PATJ: variants seen among roughly 807,000 people sequenced by gnomAD.
PATJ encodes PATJ crumbs cell polarity complex component, also known as inaD-like protein.
Under a neutral mutation model 224.9 loss-of-function variants are expected in PATJ, and 190 were observed. The ratio of observed to expected loss-of-function variants is 0.84; its 90% CI spans 0.75 to 0.95. PATJ has a LOEUF of 0.95. PATJ is among the 40% of genes least tolerant of loss of function. The pLI, the probability that PATJ is intolerant of heterozygous loss-of-function variation, is 0.00. For missense variants in PATJ, 2,121 were observed against 2,270.3 expected, an observed-to-expected ratio of 0.93 and a Z score of 1.34; for synonymous variants, 769 against 820.3, an observed-to-expected ratio of 0.94 and a Z score of 1.07.
At chr1:61,752,447 G>A (rs1645391949) in intron 1 of PATJ, among the ~76,000 whole-genome samples, 1 of 151,384 alleles carries the variant, frequency 6.6e-6, no homozygotes, top group African/African-American at 2.4e-5. Context: ...CTGAGTAGCT[G>A]GGATTACAGG....
intron 27 of PATJ, among the ~76,000 whole-genome samples, chr1:61,970,189 G>A (rs1330218194): frequency 6.6e-6 from 1 of 151,040 alleles, no homozygotes; most frequent in African/African-American, 2.4e-5. Context: ...AAATTTTATA[G>A]TTTGGAGTAA....
chr1:61,965,361 C>T (rs892243375), intron 27 of PATJ, among the ~76,000 whole-genome samples: 1 of 151,928 alleles, frequency 6.6e-6, no homozygotes, highest in East Asian at 1.9e-4. Flanking sequence ...GAGTTATTTT[C>T]ATTTGAATAT....
intron 31 of PATJ, among the ~76,000 whole-genome samples, chr1:62,057,773 G>T (rs1654795052): frequency 6.6e-6 from 1 of 152,182 alleles, no homozygotes; most frequent in Admixed American, 6.5e-5. Flanking sequence ...CAGGTTTAGA[G>T]CTATTTAAAT....
intron 30 of PATJ, among the ~76,000 whole-genome samples, chr1:62,040,346 T>A (rs1347993328): frequency 6.6e-6 from 1 of 151,998 alleles, no homozygotes; most frequent in African/African-American, 2.4e-5. Context: ...TGACCTCAGA[T>A]GATCTGCCCG....
intron 27 of PATJ, among the ~76,000 whole-genome samples, chr1:61,967,187 T>G (rs1207046791): frequency 6.6e-6 from 1 of 152,160 alleles, no homozygotes; most frequent in Non-Finnish European, 1.5e-5. Flanking sequence ...AAATATTCAG[T>G]TTCTCATTCT....
chr1:61,753,515 TA>T (rs1316371413), intron 1 of PATJ, among the ~76,000 whole-genome samples: 2 of 31,566 alleles, frequency 6.3e-5, no homozygotes, highest in South Asian at 2.6e-3. Flanking sequence ...TTCTATTACA[TA>T]TTTTTTTTTT....
chr1:61,813,378 T>TACACACAC (rs141533164), intron 14 of PATJ, among the ~76,000 whole-genome samples: 15 of 46,366 alleles, frequency 3.2e-4, no homozygotes, highest in African/African-American at 1.1e-3. Flanking sequence ...TATATATATA[T>TACACACAC]ACACACACAC....
At chr1:62,069,390 A>G (rs1406293027) in intron 31 of PATJ, among the ~76,000 whole-genome samples, 1 of 152,194 alleles carries the variant, frequency 6.6e-6, no homozygotes, top group African/African-American at 2.4e-5. Flanking sequence ...TATAAGAGCA[A>G]TAATTGTCCC....
chr1:61,792,563 C>T (rs1348441805), intron 9 of PATJ, among the ~76,000 whole-genome samples: 1 of 151,860 alleles, frequency 6.6e-6, no homozygotes, highest in African/African-American at 2.4e-5. Context: ...ATGAGTCTCG[C>T]TCTGTCGCCC....
chr1:61,988,686 G>A lies in PATJ; in HGVS notation c.3671-1482G>A, dbSNP rs1291737430. Among the ~76,000 whole-genome samples, 4 of 152,066 alleles carry A rather than the reference G, an allele frequency of 2.6e-5. No homozygotes were observed. The South Asian group carries it at 6.2e-4, about 24-fold the overall frequency. On this transcript the variant is annotated intron_variant, in intron 27 of 43. Coordinates refer to ENST00000642238, the MANE Select transcript of PATJ (RefSeq NM_001350145.3). ...CCGATTTATTTTCATTCTAAAATAA[G>A]CCCCCCCTTGTGCTTTATTCTTTTA...
At chr1:61,893,090 A>G (rs1280261316) in intron 22 of PATJ, among the ~76,000 whole-genome samples, 1 of 152,190 alleles carries the variant, frequency 6.6e-6, no homozygotes, top group African/African-American at 2.4e-5. Flanking sequence ...AAAGGTACAT[A>G]TGTTCATCAG....
intron 22 of PATJ, among the ~76,000 whole-genome samples, chr1:61,898,497 C>T (rs141037984): frequency 2.8e-3 from 420 of 152,080 alleles, no homozygotes; most frequent in Non-Finnish European, 4.5e-3. Context: ...CTTGACCTCC[C>T]GAAGCACTGG....
rs1426710235 is a variant in PATJ, at chr1:62,084,588, A to C, written c.4317A>C (p.Glu1439Asp). ...TCCCTGGACAGGAAATGATTATAGA[A>C]ATATCCAAGGGACGTTCAGGGCTTG... Reference protein sequence around the residue: ...PIVPGQEMIIEISKGRSGLGL... With the variant: ...PIVPGQEMIIDISKGRSGLGL... The change falls in exon 33 of 44, where the codon GAA becomes GAC. Residue 1439 changes from glutamate (E) to aspartate (D), a missense_variant. By Grantham distance (45) the Glu-to-Asp change is conservative. Transcript: ENST00000642238. 3 of 1,613,562 alleles carry C rather than the reference A, an allele frequency of 1.9e-6. No individual in the cohort carries two copies. The highest frequency in any genetic ancestry group is 2.2e-5 in the East Asian group (1 of 44,870).
intron 7 of PATJ, among the ~76,000 whole-genome samples, chr1:61,785,750 CTT>C (rs1330587782): frequency 2.0e-5 from 3 of 152,108 alleles, no homozygotes; most frequent in African/African-American, 7.2e-5. Flanking sequence ...ATGATGAACA[CTT>C]TGAACAGATA....
intron 31 of PATJ, among the ~76,000 whole-genome samples, chr1:62,055,770 G>A (rs570846852): frequency 1.5e-4 from 23 of 152,254 alleles, no homozygotes; most frequent in African/African-American, 4.3e-4. Context: ...AGGGTTCTCC[G>A]AAGAGACAGA....
chr1:61,925,598 G>T (rs1466696313), intron 26 of PATJ, among the ~76,000 whole-genome samples: 1 of 152,190 alleles, frequency 6.6e-6, no homozygotes, highest in African/African-American at 2.4e-5. Context: ...AACAGCTCAT[G>T]AATTGCATCT....
intron 22 of PATJ, among the ~76,000 whole-genome samples, chr1:61,898,888 G>A (rs1384799365): frequency 1.3e-5 from 2 of 152,122 alleles, no homozygotes; most frequent in Non-Finnish European, 2.9e-5. Flanking sequence ...CCAGGATCAA[G>A]CAATCTTCCA....
chr1:61,935,626 A>G (rs961306002), intron 27 of PATJ, among the ~76,000 whole-genome samples: 2 of 152,140 alleles, frequency 1.3e-5, no homozygotes, highest in African/African-American at 2.4e-5. Context: ...GACCCTGTCT[A>G]CAAAAAACAA....
rs2149087744 is a variant in PATJ, at chr1:62,163,751, G to A, written c.*2697G>A. 1 of 152,290 alleles carries A rather than the reference G, an allele frequency of 6.6e-6. No homozygotes were observed. Among genetic ancestry groups the A allele is most frequent in the South Asian group, 2.1e-4 (1 of 4,826 alleles). The allele number at this position is 152,290 out of a possible 1,614,324, so 9.4% of individuals were successfully genotyped here. The stretch of plus-strand genomic sequence containing the variant: ...AAGATGGAAATTTGTGAAAGAAGTA[G>A]TGCTCTTATATTTGGCCTCATCATT... On this transcript the variant is annotated 3_prime_UTR_variant, in exon 44 of 44. Coordinates refer to ENST00000642238, the MANE Select transcript of PATJ (RefSeq NM_001350145.3).
Sources: gnomAD v4.1 joint callset for allele counts (sites outside exome capture counted in the v4.1 genomes callset) on GRCh38, gnomAD v4.1.1 for gene constraint, MANE v1.5 for transcripts, NCBI Gene and HGNC (gene_info 2026-07-23, HGNC 2026-07-21) for gene names.